UTP18: variants seen among roughly 807,000 people sequenced by gnomAD.
UTP18 encodes the protein U3 small nucleolar RNA-associated protein 18 homolog.
A neutral mutation model predicts 61.1 loss-of-function variants in UTP18; 36 were observed. The ratio of observed to expected loss-of-function variants is 0.59; its 90% CI spans 0.45 to 0.78. The LOEUF (loss-of-function observed/expected upper bound fraction) is 0.78, where lower values mean the gene tolerates loss of function less well. UTP18 is among the 30% of genes least tolerant of loss of function. The pLI is 0.00. For missense variants in UTP18, 753 were observed against 693.9 expected, an observed-to-expected ratio of 1.09 and a Z score of -0.96; for synonymous variants, 282 against 251.1, an observed-to-expected ratio of 1.12 and a Z score of -1.16.
At chr17:51,295,481 G>C (rs917004635) in intron 12 of UTP18, among the ~76,000 whole-genome samples, 26 of 151,838 alleles carry the variant, frequency 1.7e-4, no homozygotes, top group African/African-American at 5.6e-4. Flanking sequence ...TTTTGTTTTT[G>C]TCAGGTTTGT....
At chr17:51,284,468 G>A (rs536772622) in intron 9 of UTP18, among the ~76,000 whole-genome samples, 2 of 151,982 alleles carry the variant, frequency 1.3e-5, no homozygotes, top group Admixed American at 6.5e-5. Flanking sequence ...TTCTGGATCC[G>A]TTCATTTTTC....
At chr17:51,262,121 G>A (rs888969978) in intron 1 of UTP18, among the ~76,000 whole-genome samples, 1 of 150,818 alleles carries the variant, frequency 6.6e-6, no homozygotes, top group African/African-American at 2.4e-5. Flanking sequence ...TCGCCCTGTC[G>A]CCCAGGCTGG....
chr17:51,288,076 A>G lies in UTP18; in HGVS notation c.1376A>G (p.Gln459Arg). Residue 459 changes from glutamine (Q) to arginine (R), a missense_variant, in exon 11 of 14, where the codon CAA becomes CGA. Gln to Arg is a conservative substitution (Grantham distance 43). Transcript: ENST00000225298. ...VNIYNQDSCL[Q>R]ETNPKPIKAI... ...ATATACAATCAAGATTCTTGTCTCC[A>G]AGAAACAAACCCAAAGCCAATAAAA... 1 of 1,606,620 alleles carries G rather than the reference A, an allele frequency of 6.2e-7. No homozygotes were observed.
rs1904870537 is a variant in UTP18, at chr17:51,280,335, G to T, written c.1114-54G>T. 1.9e-6 allele frequency: 3 copies of T among 1,578,440 alleles called. No individual in the cohort carries two copies. In the South Asian group the frequency reaches 3.4e-5, roughly 18 times the overall value. On this transcript the variant is annotated intron_variant, in intron 8 of 13. Transcript: ENST00000225298. The stretch of plus-strand genomic sequence containing the variant: ...CTAGGTTGTTTTTACTCTACATTGT[G>T]TGATTCTTCTGTATACTTTCTAACA...
rs556286779 is a variant in UTP18, at chr17:51,276,876, A to C, written c.838-254A>C. ...GAGCGTGGAGCTTCCGTGCCTTCTCAGGGCACGCCACCTCCTCAGCACCTC... is the reference window on the plus strand; with the variant it reads ...GAGCGTGGAGCTTCCGTGCCTTCTCCGGGCACGCCACCTCCTCAGCACCTC... On this transcript the variant is annotated intron_variant, in intron 6 of 13. Transcript: ENST00000225298. Among the ~76,000 whole-genome samples, 8 of 152,284 alleles carry C rather than the reference A, an allele frequency of 5.3e-5. No homozygotes were observed. The East Asian group carries it at 1.3e-3, about 26-fold the overall frequency.
intron 9 of UTP18, among the ~76,000 whole-genome samples, chr17:51,284,317 A>G (rs759671595): frequency 1.4e-4 from 21 of 152,178 alleles, no homozygotes; most frequent in Non-Finnish European, 2.6e-4. Flanking sequence ...GTGAGGATCC[A>G]CTTTTGAGAT....
intron 11 of UTP18, among the ~76,000 whole-genome samples, chr17:51,289,722 A>G (rs922645248): frequency 6.6e-6 from 1 of 152,208 alleles, no homozygotes; most frequent in African/African-American, 2.4e-5. Context: ...CTATGTGTGT[A>G]CTACCAGATT....
chr17:51,270,044 C>T (rs916398242), intron 4 of UTP18, among the ~76,000 whole-genome samples: 1 of 152,052 alleles, frequency 6.6e-6, no homozygotes, highest in Admixed American at 6.6e-5. Context: ...TTAGTAGAAT[C>T]GGGGTTTCAC....
chr17:51,268,757 A>C, intron 3 of UTP18, 80 bp from the exon 4 acceptor site: 4 of 1,154,790 alleles, frequency 3.5e-6, no homozygotes, highest in Non-Finnish European at 5.1e-6. Context: ...GGGTGATTCA[A>C]CGTATATGCT....
At chr17:51,262,711 C>T (rs942538885) in intron 1 of UTP18, among the ~76,000 whole-genome samples, 5 of 152,100 alleles carry the variant, frequency 3.3e-5, no homozygotes, top group African/African-American at 9.7e-5. Flanking sequence ...ACCACACACC[C>T]AGCTAAATTT....
At chr17:51,276,721 T>C (rs16949746) in intron 6 of UTP18, among the ~76,000 whole-genome samples, 5 of 152,186 alleles carry the variant, frequency 3.3e-5, no homozygotes, top group African/African-American at 1.2e-4. Flanking sequence ...TGCTCTTGGA[T>C]AGGGTATCCC....
At chr17:51,292,046 A>G (rs1346633220) in intron 11 of UTP18, among the ~76,000 whole-genome samples, 1 of 152,214 alleles carries the variant, frequency 6.6e-6, no homozygotes. Context: ...CAAACTTACA[A>G]TAACCCAAGT....
chr17:51,264,702 T>C (rs2055542478), intron 2 of UTP18, among the ~76,000 whole-genome samples: 1 of 151,722 alleles, frequency 6.6e-6, no homozygotes, highest in African/African-American at 2.4e-5. Flanking sequence ...TTTTTTTTTT[T>C]TTGAGACTCT....
At position 51,280,314 on chromosome 17, in the gene UTP18, G is replaced by T. The variant is rs1422561750; in HGVS notation, c.1114-75G>T. On this transcript the variant is annotated intron_variant, in intron 8 of 13. Transcript: ENST00000225298. ...TAGGTGCTAGAAAATAGAGAACTAG[G>T]TTGTTTTTACTCTACATTGTGTGAT... 2.0e-6 allele frequency: 3 copies of T among 1,507,140 alleles called. No homozygotes were observed. In the South Asian group the frequency reaches 3.6e-5, roughly 18 times the overall value. The allele number at this position is 1,507,140 out of a possible 1,614,324, so 93.4% of individuals were successfully genotyped here. A position where few individuals can be genotyped will look rare whatever the true frequency, so the allele number is the denominator to read the frequency against.
rs181110527 is a variant in UTP18 at position 51,268,271 on chromosome 17, C to A, written c.555-566C>A. Among the ~76,000 whole-genome samples, 3 of 152,264 alleles carry A rather than the reference C, an allele frequency of 2.0e-5. No homozygotes were observed. In the East Asian group the frequency reaches 5.8e-4, roughly 29 times the overall value. Reference sequence around the variant, plus strand: ...TCAATCTCCTGACCTCGTGATCCGCCCGCCTTGGCCTCCCAAAGTGCTGGG... The same window carrying A: ...TCAATCTCCTGACCTCGTGATCCGCACGCCTTGGCCTCCCAAAGTGCTGGG... On this transcript the variant is annotated intron_variant, in intron 3 of 13. Transcript: ENST00000225298.
chr17:51,263,950 TAAAA>T (rs1456241768), intron 2 of UTP18, among the ~76,000 whole-genome samples: 4 of 152,162 alleles, frequency 2.6e-5, no homozygotes, highest in Non-Finnish European at 5.9e-5. Context: ...ATAGACATTT[TAAAA>T]TGGCTATGTT....
In UTP18 at chr17:51,278,304, G is replaced by A. The variant is rs1401670444; in HGVS notation, c.1012+1000G>A. Among the ~76,000 whole-genome samples the A allele has an allele frequency of 2.6e-5, 4 of 152,222 alleles. No homozygotes were observed. In the East Asian group the frequency reaches 7.7e-4, roughly 29 times the overall value. On this transcript the variant is annotated intron_variant, in intron 7 of 13. Coordinates refer to ENST00000225298, the MANE Select transcript of UTP18 (RefSeq NM_016001.3). Reference sequence around the variant, plus strand: ...TGCATTTCTGATTCTCTCAGGTGATGGTGATACTGTGTGGTCCATGGACCT... The same window carrying A: ...TGCATTTCTGATTCTCTCAGGTGATAGTGATACTGTGTGGTCCATGGACCT...
chr17:51,275,816 T>C, intron 5 of UTP18, 50 bp from the exon 6 acceptor site: 1 of 1,491,044 alleles, frequency 6.7e-7, no homozygotes, highest in Non-Finnish European at 8.9e-7. Context: ...CTAAAGAAAA[T>C]AATGTTTATT....
chr17:51,262,035 A>G (rs1340301351), intron 1 of UTP18, among the ~76,000 whole-genome samples: 1 of 151,904 alleles, frequency 6.6e-6, no homozygotes, highest in Middle Eastern at 3.2e-3. Flanking sequence ...CATTTCTATC[A>G]TTGGTTTTGG....
Sources: allele counts gnomAD v4.1 joint callset (sites outside exome capture counted in the v4.1 genomes callset), GRCh38; gene constraint gnomAD v4.1.1; transcripts MANE v1.5; gene names NCBI Gene and HGNC (gene_info 2026-07-23, HGNC 2026-07-21).